SLC25A48: variants seen among roughly 807,000 people sequenced by gnomAD.
SLC25A48 encodes the protein CTC-321K16.1.
In SLC25A48, 29 loss-of-function variants were observed where a neutral mutation model predicts 32.2. That is an observed-to-expected ratio of 0.90 (90% CI 0.67 to 1.23). The LOEUF is 1.23. Among genes scored for constraint, SLC25A48 ranks in the 50% most tolerant of loss-of-function variants. The probability of loss-of-function intolerance (pLI) is 0.00; values close to 1 mark genes in which losing one functional copy is unlikely to be tolerated. For missense variants in SLC25A48, 399 were observed against 422.7 expected, an observed-to-expected ratio of 0.94 and a Z score of 0.49; for synonymous variants, 164 against 172.3, an observed-to-expected ratio of 0.95 and a Z score of 0.38.
chr5:135,749,238 C>T (rs935941895), intron 3 of SLC25A48, among the ~76,000 whole-genome samples: 4 of 151,924 alleles, frequency 2.6e-5, no homozygotes, highest in Non-Finnish European at 2.9e-5. Flanking sequence ...CCTTGCTTCT[C>T]ACCCCTCCCC....
rs185414123 is a variant in SLC25A48, at chr5:135,737,701, C to T, written c.-520-74822C>T. Among the ~76,000 whole-genome samples the T allele has an allele frequency of 2.6e-3, 395 of 152,268 alleles. 2 individuals carry two copies. Among genetic ancestry groups the T allele is most frequent in the African/African-American group, 9.0e-3 (373 of 41,538 alleles). Reference sequence around the variant, plus strand: ...GTACAGGAGGTCTGAGACAACCTTCCGGAACATTTTGAGAACAGGGCTAGT... The same window carrying T: ...GTACAGGAGGTCTGAGACAACCTTCTGGAACATTTTGAGAACAGGGCTAGT... On this transcript the variant is annotated intron_variant, in intron 3 of 10. Coordinates refer to the SLC25A48 transcript ENST00000646290.
At chr5:135,878,871 T>TC (rs1762235902) in intron 6 of SLC25A48, among the ~76,000 whole-genome samples, 1 of 152,108 alleles carries the variant, frequency 6.6e-6, no homozygotes, top group African/African-American at 2.4e-5. Flanking sequence ...GGCCAGCTCC[T>TC]CCCCACAATC....
At chr5:135,585,553 T>C (rs1191790949) in intron 1 of SLC25A48, among the ~76,000 whole-genome samples, 1 of 152,230 alleles carries the variant, frequency 6.6e-6, no homozygotes, top group African/African-American at 2.4e-5. Context: ...GTGTCTTTCT[T>C]ATTAATTCTA....
intron 3 of SLC25A48, among the ~76,000 whole-genome samples, 195 bp from the exon 4 acceptor site, chr5:135,852,368 C>A (rs556272904): frequency 1.3e-5 from 2 of 152,342 alleles, no homozygotes; most frequent in South Asian, 4.1e-4. Flanking sequence ...CCTGCAGAAG[C>A]CGGGCTGTCC....
chr5:135,848,354 G>T (rs1759579391), intron 2 of SLC25A48, among the ~76,000 whole-genome samples: 5 of 152,094 alleles, frequency 3.3e-5, no homozygotes. Flanking sequence ...CTTACATGGG[G>T]CACAGAGAGA....
rs1305125082 is a variant in SLC25A48, at chr5:135,629,835, T to C, written c.-709+459T>C. On this transcript the variant is annotated intron_variant, in intron 2 of 10. Transcript: ENST00000646290. This position sits in a 1 kb window ranked among gnomAD's most constrained non-coding sequence, Gnocchi z 4.8. ...TCTGCACATGGGCTGAGTGGGCCCA[T>C]TGGCCAGAGAAAACCCTAGGGCAGA... Among the ~76,000 whole-genome samples, 1 of 152,190 alleles carries C rather than the reference T, an allele frequency of 6.6e-6. No individual in the cohort carries two copies. The highest frequency in any genetic ancestry group is 1.5e-5 in the Non-Finnish European group (1 of 68,028).
intron 3 of SLC25A48, among the ~76,000 whole-genome samples, chr5:135,675,236 G>A (rs1484980199): frequency 6.6e-6 from 1 of 151,932 alleles, no homozygotes; most frequent in East Asian, 1.9e-4. Flanking sequence ...GTATATGCTA[G>A]ACATTAGTCC....
chr5:135,873,034 G>A lies in SLC25A48; in HGVS notation c.680-987G>A, dbSNP rs555135552. ...GTGAATGGCCTGGCAGGCAAATCCC[G>A]TTTTGTGATGCCCTCACCCATGGGC... is the stretch of plus-strand genomic sequence containing the variant. On this transcript the variant is annotated intron_variant, in intron 5 of 7. Transcript: ENST00000681962. 1.1e-4 allele frequency among the ~76,000 whole-genome samples: 16 copies of A among 152,256 alleles called. No homozygotes were observed. The East Asian group carries it at 2.3e-3, about 22-fold the overall frequency.
At position 135,602,699 on chromosome 5, in the gene SLC25A48, G is replaced by T. The variant is rs568091530; in HGVS notation, c.-849+23102G>T. ...TACATATGTATACATGTGCCATGTT[G>T]GTTTGCTGCACCCATTAACTCGTCA... is the stretch of plus-strand genomic sequence containing the variant. On this transcript the variant is annotated intron_variant, in intron 1 of 10. Transcript: ENST00000646290. Among the ~76,000 whole-genome samples the T allele has an allele frequency of 1.8e-3, 267 of 150,322 alleles. 1 individual carries two copies. Among genetic ancestry groups the T allele is most frequent in the African/African-American group, 6.2e-3 (252 of 40,688 alleles).
chr5:135,824,939 C>A (rs576341030), intron 4 of SLC25A48: 1 of 152,294 alleles, frequency 6.6e-6, no homozygotes. Flanking sequence ...AGGGCTGCTG[C>A]GGCCCTTGGA....
intron 3 of SLC25A48, among the ~76,000 whole-genome samples, chr5:135,647,090 T>C (rs1458074137): frequency 0.037 from 3 of 82 alleles, no homozygotes; most frequent in South Asian, 0.5. Flanking sequence ...TGTGTACTTA[T>C]ATCACACGTC....
At chr5:135,693,631 C>T (rs948397978) in intron 3 of SLC25A48, among the ~76,000 whole-genome samples, 11 of 152,226 alleles carry the variant, frequency 7.2e-5, no homozygotes, top group African/African-American at 2.7e-4. Flanking sequence ...GGCGCTGAAG[C>T]CCTGTTACCA....
chr5:135,691,386 G>A (rs186520641), intron 3 of SLC25A48, among the ~76,000 whole-genome samples: 25 of 152,306 alleles, frequency 1.6e-4, no homozygotes, highest in Middle Eastern at 3.4e-3. Context: ...ACCCAGTCCC[G>A]TGCTCTGCCC....
chr5:135,645,256 C>G (rs1191485400), intron 3 of SLC25A48, among the ~76,000 whole-genome samples: 1 of 152,280 alleles, frequency 6.6e-6, no homozygotes, highest in South Asian at 2.1e-4. Context: ...TGTGAGGGCC[C>G]TTTGATAGCC....
chr5:135,785,251 G>A (rs1756806860), intron 3 of SLC25A48, among the ~76,000 whole-genome samples: 1 of 152,072 alleles, frequency 6.6e-6, no homozygotes, highest in Non-Finnish European at 1.5e-5. Flanking sequence ...TCCGGGTGGG[G>A]AGATGGTGAT....
At chr5:135,774,780 GAGA>G (rs946423746) in intron 3 of SLC25A48, among the ~76,000 whole-genome samples, 9 of 151,752 alleles carry the variant, frequency 5.9e-5, no homozygotes, top group African/African-American at 1.9e-4. Flanking sequence ...ATATCCAGAG[GAGA>G]AGAAGATGAT....
intron 3 of SLC25A48, among the ~76,000 whole-genome samples, chr5:135,852,298 G>A (rs1759936353): frequency 2.0e-5 from 3 of 152,270 alleles, no homozygotes; most frequent in Non-Finnish European, 4.4e-5. Flanking sequence ...TGCCCCTCCC[G>A]GCGCATGCAT....
chr5:135,847,016 T>C (rs1182942900), intron 2 of SLC25A48, among the ~76,000 whole-genome samples: 1 of 152,130 alleles, frequency 6.6e-6, no homozygotes, highest in African/African-American at 2.4e-5. Flanking sequence ...GAGTCCAAAA[T>C]CTAAGCAAGT....
At chr5:135,637,182 T>C (rs1752724298) in intron 3 of SLC25A48, among the ~76,000 whole-genome samples, 1 of 152,180 alleles carries the variant, frequency 6.6e-6, no homozygotes, top group African/African-American at 2.4e-5. Flanking sequence ...ACAAGTAAAA[T>C]TTCTATCACA....
Sources: allele counts gnomAD v4.1 joint callset (sites outside exome capture counted in the v4.1 genomes callset), GRCh38; gene constraint gnomAD v4.1.1; non-coding constraint Gnocchi (gnomAD v3.1); transcripts MANE v1.5; gene names NCBI Gene and HGNC (gene_info 2026-07-23, HGNC 2026-07-21).